Variants in TMTC1 observed in about 807,000 individuals in gnomAD.
TMTC1 encodes the protein protein O-mannosyl-transferase TMTC1.
In TMTC1, 73 loss-of-function variants were observed where a neutral mutation model predicts 104.8. The ratio of observed to expected loss-of-function variants is 0.70; its 90% confidence interval spans 0.58 to 0.85. The LOEUF is 0.85. Among genes scored for constraint, TMTC1 ranks in the 40% least tolerant of loss-of-function variants. The pLI is 0.00. For synonymous variants in TMTC1, 434 were observed against 428.7 expected (o/e 1.01, Z -0.15); for missense variants, 1,035 against 1,096.1 (o/e 0.94, Z 0.79).
intron 7 of TMTC1, among the ~76,000 whole-genome samples, chr12:29,587,233 A>G (rs1298745718): frequency 6.6e-6 from 1 of 152,172 alleles, no homozygotes; most frequent in Non-Finnish European, 1.5e-5. Context: ...AGAGGTATTT[A>G]TAGTATTCTC....
chr12:29,781,944 G>A (rs1385382651), intron 1 of TMTC1, among the ~76,000 whole-genome samples: 2 of 152,224 alleles, frequency 1.3e-5, no homozygotes, highest in Non-Finnish European at 2.9e-5. Flanking sequence ...ATTTGACTCT[G>A]CCCTTTTTAA....
chr12:29,636,494 A>G (rs931677417), intron 5 of TMTC1, among the ~76,000 whole-genome samples: 1 of 152,166 alleles, frequency 6.6e-6, no homozygotes, highest in Non-Finnish European at 1.5e-5. Context: ...AATTTTTTAA[A>G]GTTACAATCT....
intron 7 of TMTC1, among the ~76,000 whole-genome samples, chr12:29,587,397 G>A (rs1472403771): frequency 6.6e-6 from 1 of 151,770 alleles, no homozygotes; most frequent in Non-Finnish European, 1.5e-5. Context: ...GTAGTGGTAT[G>A]ATCATGGCTC....
intron 5 of TMTC1, among the ~76,000 whole-genome samples, chr12:29,674,551 A>G (rs890406645): frequency 9.2e-5 from 14 of 152,232 alleles, no homozygotes; most frequent in African/African-American, 3.4e-4. Flanking sequence ...TTTTCCTAGA[A>G]GACAAAGCTA....
intron 5 of TMTC1, among the ~76,000 whole-genome samples, chr12:29,736,578 C>A (rs1198280066): frequency 5.9e-5 from 9 of 152,104 alleles, no homozygotes; most frequent in Non-Finnish European, 8.8e-5. Flanking sequence ...CACCACCACG[C>A]CCGGCTAATT....
At chr12:29,560,027 T>C (rs2136270596) in intron 9 of TMTC1, among the ~76,000 whole-genome samples, 1 of 152,372 alleles carries the variant, frequency 6.6e-6, no homozygotes, top group Middle Eastern at 3.4e-3. Context: ...TAAATAAATT[T>C]GCGTTTGAAT....
chr12:29,745,494 A>T (rs926674854), intron 5 of TMTC1, among the ~76,000 whole-genome samples: 4 of 151,688 alleles, frequency 2.6e-5, no homozygotes, highest in Admixed American at 6.6e-5. Flanking sequence ...ATGGTGGCAC[A>T]CCTGTAATCC....
chr12:29,550,591 G>T (rs894368810), intron 10 of TMTC1, among the ~76,000 whole-genome samples: 1 of 152,122 alleles, frequency 6.6e-6, no homozygotes, highest in Non-Finnish European at 1.5e-5. Flanking sequence ...GAGCATTTCG[G>T]AGTTCAAATG....
chr12:29,624,508 T>A (rs1937868375), intron 6 of TMTC1, among the ~76,000 whole-genome samples: 1 of 152,200 alleles, frequency 6.6e-6, no homozygotes, highest in Non-Finnish European at 1.5e-5. Context: ...CTCATATGGC[T>A]GTACCCAGCC....
At chr12:29,664,104 G>A (rs919510679) in intron 5 of TMTC1, among the ~76,000 whole-genome samples, 120 of 149,952 alleles carry the variant, frequency 8.0e-4, no homozygotes, top group African/African-American at 2.7e-3. Flanking sequence ...GGAGAATGGC[G>A]TGAACCCGGG....
At chr12:29,702,111 A>G (rs540574278) in intron 5 of TMTC1, among the ~76,000 whole-genome samples, 77 of 152,294 alleles carry the variant, frequency 5.1e-4, no homozygotes, top group Middle Eastern at 3.4e-3. Flanking sequence ...AAGAATCCAG[A>G]TTAAACTATG....
intron 5 of TMTC1, among the ~76,000 whole-genome samples, chr12:29,730,565 T>A (rs937727609): frequency 6.6e-6 from 1 of 152,180 alleles, no homozygotes; most frequent in African/African-American, 2.4e-5. Flanking sequence ...AAGCAGAGAA[T>A]CTACATTTAG....
chr12:29,606,585 C>T (rs2136411329), intron 6 of TMTC1, among the ~76,000 whole-genome samples: 1 of 152,280 alleles, frequency 6.6e-6, no homozygotes, highest in East Asian at 1.9e-4. Context: ...CAAAATTATT[C>T]ACGTCTTCCC....
chr12:29,640,536 T>C (rs1938791345), intron 5 of TMTC1: 1 of 152,168 alleles, frequency 6.6e-6, no homozygotes, highest in South Asian at 2.1e-4. Flanking sequence ...AAGGTCTGTT[T>C]GTGGGAGAAG....
intron 5 of TMTC1, among the ~76,000 whole-genome samples, chr12:29,635,372 A>T (rs1938499241): frequency 6.6e-6 from 1 of 152,196 alleles, no homozygotes; most frequent in African/African-American, 2.4e-5. Flanking sequence ...CTTTTCAGGT[A>T]AGTGGTGAAC....
chr12:29,609,889 C>T (rs1234297637), intron 6 of TMTC1: 1 of 152,370 alleles, frequency 6.6e-6, no homozygotes, highest in African/African-American at 2.4e-5. Context: ...TTTTAACAGC[C>T]TCTCCCACCT....
At chr12:29,619,864 G>A (rs7960782) in intron 6 of TMTC1, among the ~76,000 whole-genome samples, 69,541 of 151,952 alleles carry the variant, frequency 0.46, 16,708 homozygotes, top group African/African-American at 0.6. Context: ...CTTAAAACCT[G>A]CACTTAAAAG....
intron 9 of TMTC1, among the ~76,000 whole-genome samples, chr12:29,569,157 A>G (rs1304757696): frequency 6.6e-6 from 1 of 152,174 alleles, no homozygotes. Flanking sequence ...CCCTTATACT[A>G]CAGAAATATT....
At chr12:29,657,372 G>C (rs1263343498) in intron 5 of TMTC1, among the ~76,000 whole-genome samples, 1 of 152,190 alleles carries the variant, frequency 6.6e-6, no homozygotes, top group Non-Finnish European at 1.5e-5. Flanking sequence ...GCCAGGGAGA[G>C]ATACCTAAAA....
Sources: gnomAD v4.1 joint callset for allele counts (sites outside exome capture counted in the v4.1 genomes callset) on GRCh38, gnomAD v4.1.1 for gene constraint, MANE v1.5 for transcripts, NCBI Gene and HGNC (gene_info 2026-07-23, HGNC 2026-07-21) for gene names.